The following SNX3 variants were observed in gnomAD, a reference collection of about 807,000 sequenced individuals.
The protein encoded by SNX3 is sorting nexin 3, also known as sorting nexin-3.
Under a neutral mutation model 17.7 loss-of-function variants are expected in SNX3, and 5 were observed. The ratio of observed to expected loss-of-function variants is 0.28; its 90% CI spans 0.15 to 0.59. SNX3 has a LOEUF of 0.59. Among genes scored for constraint, SNX3 ranks in the 20% least tolerant of loss-of-function variants. The probability of loss-of-function intolerance (pLI) is 0.88; values close to 1 mark genes in which losing one functional copy is unlikely to be tolerated. For synonymous variants in SNX3, 91 were observed against 76.5 expected (o/e 1.19, Z -0.99); for missense variants, 132 against 206.8 (o/e 0.64, Z 2.22).
At position 108,260,629 on chromosome 6, in the gene SNX3, C is replaced by T. The variant is rs550512891; in HGVS notation, c.162+131G>A. 153 of 1,029,090 alleles carry T rather than the reference C, an allele frequency of 1.5e-4. 1 individual carries two copies. In the South Asian group the frequency reaches 2.2e-3, roughly 15 times the overall value. 63.7% of individuals were successfully genotyped at this position (1,029,090 alleles called of 1,614,324 possible). On this transcript the variant is annotated intron_variant, in intron 1 of 3. Coordinates refer to ENST00000230085, the MANE Select transcript of SNX3 (RefSeq NM_003795.6). ...GAAGAGGGGCCCTGGCTCACGACCC[C>T]GGCCCGCCTCTGCAAGGGGGCTCCC... is the stretch of plus-strand genomic sequence containing the variant.
chr6:108,237,155 A>G (rs1289300757), intron 1 of SNX3, among the ~76,000 whole-genome samples: 1 of 152,230 alleles, frequency 6.6e-6, no homozygotes, highest in Non-Finnish European at 1.5e-5. Flanking sequence ...TTTTCTGGCT[A>G]CTATATCTTC....
chr6:108,222,206 C>G (rs147169905), intron 2 of SNX3: 3 of 1,303,730 alleles, frequency 2.3e-6, no homozygotes, highest in Non-Finnish European at 3.0e-6. Context: ...GTTCAGGACT[C>G]CTACCATACC....
intron 1 of SNX3, among the ~76,000 whole-genome samples, chr6:108,238,399 T>A (rs1775417935): frequency 6.6e-6 from 1 of 152,148 alleles, no homozygotes; most frequent in Non-Finnish European, 1.5e-5. Flanking sequence ...TGTTTTAGGC[T>A]CAGAGGCTTT....
Position 108,260,986 on chromosome 6 carries a change from C to T in SNX3, c.-65G>A. On this transcript the variant is annotated 5_prime_UTR_variant, in exon 1 of 4. Coordinates refer to ENST00000230085, the MANE Select transcript of SNX3 (RefSeq NM_003795.6). ...CCCCTCCGCGTTCAGCCGCCGCCGCCGCCGCTGCTGCCCGCCGTGGGGACA... is the reference window on the plus strand; with the variant it reads ...CCCCTCCGCGTTCAGCCGCCGCCGCTGCCGCTGCTGCCCGCCGTGGGGACA... 4 of 1,386,350 alleles carry T rather than the reference C, an allele frequency of 2.9e-6. No individual in the cohort carries two copies. Among genetic ancestry groups the T allele is most frequent in the South Asian group, 1.5e-5 (1 of 64,906 alleles). The allele number at this position is 1,386,350 out of a possible 1,614,324, so 85.9% of individuals were successfully genotyped here. A position where few individuals can be genotyped will look rare whatever the true frequency, so the allele number is the denominator to read the frequency against.
At chr6:108,246,571 C>A (rs1373313346) in intron 1 of SNX3, among the ~76,000 whole-genome samples, 1 of 151,370 alleles carries the variant, frequency 6.6e-6, no homozygotes. Context: ...CTCTGGTGAT[C>A]CACCCGCCTC....
chr6:108,260,958 C>G lies in SNX3; in HGVS notation c.-37G>C. 1 of 1,490,468 alleles carries G rather than the reference C, an allele frequency of 6.7e-7. No homozygotes were observed. The highest frequency in any genetic ancestry group is 8.9e-7 in the Non-Finnish European group (1 of 1,126,464). The allele number at this position is 1,490,468 out of a possible 1,614,324, so 92.3% of individuals were successfully genotyped here. A position where few individuals can be genotyped will look rare whatever the true frequency, so the allele number is the denominator to read the frequency against. ...TGCTGCCGCCGCCGCGGGCTCCCTC[C>G]GCCCCCTCCGCGTTCAGCCGCCGCC... On this transcript the variant is annotated 5_prime_UTR_variant, in exon 1 of 4. Coordinates refer to ENST00000230085, the MANE Select transcript of SNX3 (RefSeq NM_003795.6).
At chr6:108,251,980 G>T (rs1334736744) in intron 1 of SNX3, among the ~76,000 whole-genome samples, 1 of 151,700 alleles carries the variant, frequency 6.6e-6, no homozygotes, top group East Asian at 1.9e-4. Context: ...CATGAGAATT[G>T]CTTGAACCAG....
chr6:108,221,026 T>C (rs900422377), intron 2 of SNX3, among the ~76,000 whole-genome samples: 2 of 152,070 alleles, frequency 1.3e-5, no homozygotes, highest in African/African-American at 2.4e-5. Context: ...GCCCACTATA[T>C]ACTGAAAATA....
intron 1 of SNX3, among the ~76,000 whole-genome samples, chr6:108,251,810 C>T (rs1379130704): frequency 2.6e-5 from 4 of 152,066 alleles, no homozygotes; most frequent in African/African-American, 7.2e-5. Context: ...GTGGCTCATG[C>T]CTGTATTTTG....
chr6:108,240,984 T>C (rs1180289410), intron 1 of SNX3, among the ~76,000 whole-genome samples: 1 of 150,666 alleles, frequency 6.6e-6, no homozygotes, highest in Non-Finnish European at 1.5e-5. Context: ...CTACTAAAAA[T>C]ACAAAAAATT....
At chr6:108,233,569 T>C (rs187574568) in intron 1 of SNX3, among the ~76,000 whole-genome samples, 319 of 152,090 alleles carry the variant, frequency 2.1e-3, no homozygotes, top group African/African-American at 7.1e-3. Context: ...GCCAACACGG[T>C]GAAACCCTGT....
intron 1 of SNX3, among the ~76,000 whole-genome samples, chr6:108,230,704 A>C (rs558997552): frequency 6.6e-6 from 1 of 152,326 alleles, no homozygotes; most frequent in South Asian, 2.1e-4. Context: ...ACAGAGGCTC[A>C]AATAATCTGG....
intron 1 of SNX3, among the ~76,000 whole-genome samples, chr6:108,238,650 T>C (rs1023225466): frequency 6.6e-6 from 1 of 152,144 alleles, no homozygotes; most frequent in African/African-American, 2.4e-5. Context: ...GTTTTCATGC[T>C]TGTATTTGTG....
At position 108,211,471 on chromosome 6, in the gene SNX3, T is replaced by A. The variant is rs1320512192; in HGVS notation, c.*678A>T. The A allele has an allele frequency of 1.3e-5, 2 of 152,456 alleles. No individual in the cohort carries two copies. The highest frequency in any genetic ancestry group is 2.9e-5 in the Non-Finnish European group (2 of 68,034). The allele number at this position is 152,456 out of a possible 1,614,324, so 9.4% of individuals were successfully genotyped here. On this transcript the variant is annotated 3_prime_UTR_variant, in exon 4 of 4. Coordinates refer to ENST00000230085, the MANE Select transcript of SNX3 (RefSeq NM_003795.6). Reference sequence around the variant, plus strand: ...CCCTCTCAACAAGTGACTTAAGTAGTCACTCATAGAGAGCAAAAAAAGCTG... The same window carrying A: ...CCCTCTCAACAAGTGACTTAAGTAGACACTCATAGAGAGCAAAAAAAGCTG...
chr6:108,223,064 G>A lies in SNX3; in HGVS notation c.163-19C>T, dbSNP rs1582474986. 1 of 1,420,862 alleles carries A rather than the reference G, an allele frequency of 7.0e-7. No homozygotes were observed. Among genetic ancestry groups the A allele is most frequent in the Admixed American group, 1.8e-5 (1 of 56,748 alleles). The allele number at this position is 1,420,862 out of a possible 1,614,324, so 88.0% of individuals were successfully genotyped here. A position where few individuals can be genotyped will look rare whatever the true frequency, so the allele number is the denominator to read the frequency against. ...GATTTGTCTGAAACAAAAAAAGTTA[G>A]TCCTAAATTGAAGCACATTAAGGAA... On this transcript the variant is annotated intron_variant, in intron 1 of 3. Coordinates refer to ENST00000230085, the MANE Select transcript of SNX3 (RefSeq NM_003795.6).
chr6:108,222,976 G>A lies in SNX3; in HGVS notation c.232C>T (p.Arg78Ter). The change falls in exon 2 of 4, where the codon CGA becomes TGA. Residue 78 changes from arginine to a stop codon, truncating the protein, a stop_gained. Transcript: ENST00000230085. LOFTEE classifies it high-confidence loss of function. ...TTGCTCTCTCTTTCTAATTCACTTCGCAGCCATTCAAAGTCACTGTATCTT... is the reference window on the plus strand; with the variant it reads ...TTGCTCTCTCTTTCTAATTCACTTCACAGCCATTCAAAGTCACTGTATCTT... ...RRRYSDFEWL[R>*]SELERESKVV... The A allele has an allele frequency of 1.2e-6, 2 of 1,604,228 alleles. No individual in the cohort carries two copies. The highest frequency in any genetic ancestry group is 8.5e-7 in the Non-Finnish European group (1 of 1,172,966).
At chr6:108,256,531 T>A (rs367916523) in intron 1 of SNX3, among the ~76,000 whole-genome samples, 1 of 152,312 alleles carries the variant, frequency 6.6e-6, no homozygotes, top group East Asian at 1.9e-4. Flanking sequence ...AAGAGGTAGG[T>A]ACTATTATTA....
At chr6:108,260,311 G>A (rs1776150742) in intron 1 of SNX3, among the ~76,000 whole-genome samples, 1 of 152,210 alleles carries the variant, frequency 6.6e-6, no homozygotes, top group Admixed American at 6.5e-5. Flanking sequence ...TAGCAGCTCG[G>A]GAAGGGCCTG....
intron 1 of SNX3, among the ~76,000 whole-genome samples, chr6:108,241,949 C>T (rs558511954): frequency 6.6e-6 from 1 of 152,202 alleles, no homozygotes; most frequent in South Asian, 2.1e-4. Context: ...AACTGAAAGA[C>T]AGCATGATGA....
Sources: gnomAD v4.1 joint callset for allele counts (sites outside exome capture counted in the v4.1 genomes callset) on GRCh38, gnomAD v4.1.1 for gene constraint, MANE v1.5 for transcripts, NCBI Gene and HGNC (gene_info 2026-07-23, HGNC 2026-07-21) for gene names.